Variants in TEX14 observed in about 807,000 individuals in gnomAD.
TEX14 encodes the protein inactive serine/threonine-protein kinase TEX14.
TEX14 carries 168 observed loss-of-function variants against 178.6 expected under a neutral mutation model. The observed-to-expected ratio is 0.94, with a 90% confidence interval of 0.83 to 1.07. The LOEUF (loss-of-function observed/expected upper bound fraction) is 1.07, where lower values mean the gene tolerates loss of function less well. Among genes scored for constraint, TEX14 ranks in the 50% least tolerant of loss-of-function variants. The pLI, the probability that TEX14 is intolerant of heterozygous loss-of-function variation, is 0.00. For missense variants in TEX14, 1,730 were observed against 1,753.6 expected, an observed-to-expected ratio of 0.99 and a Z score of 0.24; for synonymous variants, 626 against 634.1, an observed-to-expected ratio of 0.99 and a Z score of 0.19.
chr17:58,587,764 A>G (rs992609281), intron 16 of TEX14, 98 bp from the exon 17 acceptor site: 8 of 1,147,776 alleles, frequency 7.0e-6, no homozygotes, highest in Non-Finnish European at 1.0e-5. Context: ...CCACCAGCCC[A>G]TCCAGAGGAC....
At chr17:58,653,081 C>A (rs554288965) in intron 1 of TEX14, among the ~76,000 whole-genome samples, 1 of 152,068 alleles carries the variant, frequency 6.6e-6, no homozygotes, top group Admixed American at 6.6e-5. Context: ...GGACTACAGG[C>A]GCACACCACC....
chr17:58,685,997 A>C (rs1457983171), intron 1 of TEX14, among the ~76,000 whole-genome samples: 4 of 25,058 alleles, frequency 1.6e-4, no homozygotes, highest in South Asian at 9.9e-4. Flanking sequence ...TCTGTCTCAC[A>C]AAAAAAAAAA....
chr17:58,630,455 C>G lies in TEX14; in HGVS notation c.236G>C (p.Gly79Ala), dbSNP rs772437993. Residue 79 changes from glycine (G) to alanine (A), a missense_variant, in exon 3 of 32, where the codon GGA becomes GCA. By Grantham distance (60) the Gly-to-Ala change is moderately conservative (BLOSUM62 0). Around this residue, in one of 2 missense-constraint regions of TEX14, gnomAD observed 789 missense variants for 681.2 expected, o/e 1.16. Transcript: ENST00000349033. ...RKFVDVLVDY[G>A]SDPNHRCFDG... ...TTGTACTTACTGATTTGGATCTGAT[C>G]CATAATCCACCAGAACATCAACGAA... 3 of 1,612,168 alleles carry G rather than the reference C, an allele frequency of 1.9e-6. No homozygotes were observed. The highest frequency in any genetic ancestry group is 2.5e-6 in the Non-Finnish European group (3 of 1,178,294).
intron 1 of TEX14, among the ~76,000 whole-genome samples, chr17:58,671,659 G>A (rs2047305650): frequency 6.6e-6 from 1 of 152,066 alleles, no homozygotes; most frequent in South Asian, 2.1e-4. Flanking sequence ...GTCCATCCCT[G>A]CCTTTCCTTT....
chr17:58,588,024 A>G lies in TEX14; in HGVS notation c.2577-3T>C. 2 of 984,446 alleles carry G rather than the reference A, an allele frequency of 2.0e-6. No individual in the cohort carries two copies. The highest frequency in any genetic ancestry group is 3.3e-6 in the Non-Finnish European group (2 of 605,580). 61.0% of individuals were successfully genotyped at this position (984,446 alleles called of 1,614,324 possible). A position where few individuals can be genotyped will look rare whatever the true frequency, so the allele number is the denominator to read the frequency against. On this transcript the variant is annotated splice_polypyrimidine_tract_variant and splice_region_variant and intron_variant, in intron 15 of 31. Coordinates refer to ENST00000349033, the MANE Select transcript of TEX14 (RefSeq NM_031272.5). ...TGGACTCTCTAGGTCTTCCCTGGCT[A>G]AGAAATGAAAGGACTGAGCTATAAG...
chr17:58,592,959 C>G (rs1256996200), intron 15 of TEX14, among the ~76,000 whole-genome samples: 1 of 151,810 alleles, frequency 6.6e-6, no homozygotes, highest in African/African-American at 2.4e-5. Context: ...TACATATATA[C>G]CTATGTGTGC....
At chr17:58,625,080 C>A (rs1383961783) in intron 3 of TEX14, among the ~76,000 whole-genome samples, 1 of 151,772 alleles carries the variant, frequency 6.6e-6, no homozygotes, top group Non-Finnish European at 1.5e-5. Flanking sequence ...CTCCTTGCTG[C>A]AAAAACAGCT....
At chr17:58,639,253 G>A (rs1402501213) in intron 2 of TEX14, among the ~76,000 whole-genome samples, 4 of 152,064 alleles carry the variant, frequency 2.6e-5, no homozygotes, top group Admixed American at 2.6e-4. Context: ...CTATGAGGAC[G>A]CAAAGGCATG....
chr17:58,651,965 C>T lies in TEX14; in HGVS notation c.37G>A (p.Val13Ile). Residue 13 changes from valine (V) to isoleucine (I), a missense_variant, in exon 2 of 32, where the codon GTT (valine) becomes ATT (isoleucine). This residue lies in a region of TEX14 where 789 missense variants were observed against 681.2 expected (regional missense o/e 1.16). Coordinates refer to ENST00000349033, the MANE Select transcript of TEX14 (RefSeq NM_031272.5). ...RAVRLPVPCP[V>I]QLGTLRNDSL... Reference sequence around the variant, plus strand: ...TCATTTCTTAAGGTACCAAGTTGAACAGGACAGGGGACTGGAAGACGAACA... The same window carrying T: ...TCATTTCTTAAGGTACCAAGTTGAATAGGACAGGGGACTGGAAGACGAACA... 6.2e-7 allele frequency: 1 copy of T among 1,612,806 alleles called. No homozygotes were observed. Among genetic ancestry groups the T allele is most frequent in the Non-Finnish European group, 8.5e-7 (1 of 1,179,718 alleles).
intron 1 of TEX14, among the ~76,000 whole-genome samples, chr17:58,674,915 G>C (rs1004574322): frequency 6.6e-6 from 1 of 151,514 alleles, no homozygotes; most frequent in Non-Finnish European, 1.5e-5. Context: ...GAGGCTGAGG[G>C]GGGGTGCATC....
At position 58,587,923 on chromosome 17, in the gene TEX14, G is replaced by A; in HGVS notation, c.2675C>T (p.Ser892Leu). The A allele has an allele frequency of 1.2e-6, 2 of 1,613,634 alleles. No homozygotes were observed. The highest frequency in any genetic ancestry group is 2.7e-5 in the African/African-American group (2 of 74,942). ...GGTAGAGTCCCAGTGACAGCTGGGT[G>A]ATGCAGAAGGTCCCTGCCGGTGGCT... The part of the protein sequence containing the change: ...LSSHRQGPSA[S>L]PSCHWDSTRM... The change falls in exon 16 of 32, where the codon TCA (serine) becomes TTA (leucine). Residue 892 changes from serine to leucine, a missense_variant. Ser to Leu is a moderately radical substitution (Grantham distance 145). Around this residue, in one of 2 missense-constraint regions of TEX14, gnomAD observed 941 missense variants for 1,072.4 expected, o/e 0.88. Coordinates refer to ENST00000349033, the MANE Select transcript of TEX14 (RefSeq NM_031272.5).
intron 1 of TEX14, among the ~76,000 whole-genome samples, chr17:58,680,199 A>C (rs1287132655): frequency 6.6e-6 from 1 of 152,106 alleles, no homozygotes; most frequent in Non-Finnish European, 1.5e-5. Context: ...CAGCTGCAAA[A>C]ACAGGCGCGC....
intron 3 of TEX14, among the ~76,000 whole-genome samples, chr17:58,627,455 C>G (rs1381293195): frequency 6.6e-6 from 1 of 152,066 alleles, no homozygotes; most frequent in Non-Finnish European, 1.5e-5. Flanking sequence ...GATGTTTATA[C>G]ACCTTGTTTC....
chr17:58,653,824 A>G (rs917825094), intron 1 of TEX14, among the ~76,000 whole-genome samples: 10 of 152,234 alleles, frequency 6.6e-5, no homozygotes, highest in Non-Finnish European at 1.2e-4. Context: ...AGCAGCCAGA[A>G]CAATCTGGTT....
rs1301164864 is a variant in TEX14, at chr17:58,569,692, C to T, written c.3818-432G>A. Among the ~76,000 whole-genome samples the T allele has an allele frequency of 6.6e-6, 1 of 152,224 alleles. No homozygotes were observed. The highest frequency in any genetic ancestry group is 1.9e-4 in the East Asian group (1 of 5,196). ...AGGCCAGGGGATTTAGAGGCAACCA[C>T]ACTTTGGGTCTTGCCCCAAGTGCTC... is the stretch of plus-strand genomic sequence containing the variant. On this transcript the variant is annotated intron_variant, in intron 25 of 31. Coordinates refer to ENST00000349033, the MANE Select transcript of TEX14 (RefSeq NM_031272.5). This position sits in a 1 kb window ranked among gnomAD's most constrained non-coding sequence, Gnocchi z 4.1.
chr17:58,629,749 G>A (rs552013451), intron 3 of TEX14, among the ~76,000 whole-genome samples: 1 of 149,914 alleles, frequency 6.7e-6, no homozygotes, highest in African/African-American at 2.5e-5. Flanking sequence ...GCAGGAGAAT[G>A]GCGTGAACTC....
intron 16 of TEX14, 88 bp from the exon 17 acceptor site, chr17:58,587,754 C>A: frequency 1.7e-6 from 2 of 1,173,260 alleles, no homozygotes; most frequent in Non-Finnish European, 2.5e-6. Context: ...AACCAAAAGC[C>A]CACCAGCCCA....
intron 12 of TEX14, 52 bp downstream of exon 12, chr17:58,602,348 T>TA: frequency 6.6e-7 from 1 of 1,509,746 alleles, no homozygotes; most frequent in Non-Finnish European, 9.0e-7. Flanking sequence ...TAACTCCCTA[T>TA]TCTCCTGAGT....
intron 10 of TEX14, 34 bp from the exon 11 acceptor site, chr17:58,605,163 C>T (rs367958573): frequency 6.2e-7 from 1 of 1,601,818 alleles, no homozygotes; most frequent in African/African-American, 1.3e-5. Flanking sequence ...AGCGCTCATG[C>T]CTTAAAGGGT....
Sources: gnomAD v4.1 joint callset for allele counts (sites outside exome capture counted in the v4.1 genomes callset) on GRCh38, gnomAD v4.1.1 for gene constraint, gnomAD v4.1.1 regional missense constraint, Gnocchi (gnomAD v3.1) non-coding constraint, MANE v1.5 for transcripts, NCBI Gene and HGNC (gene_info 2026-07-23, HGNC 2026-07-21) for gene names.